Variants in PPP1R42 observed in about 807,000 individuals in gnomAD.
PPP1R42 encodes the protein leucine rich repeat containing 67.
PPP1R42 carries 34 observed loss-of-function variants against 31.0 expected under a neutral mutation model. The ratio of observed to expected loss-of-function variants is 1.10; its 90% CI spans 0.83 to 1.46. The LOEUF (loss-of-function observed/expected upper bound fraction) is 1.46, where lower values mean the gene tolerates loss of function less well. Ranked by LOEUF, PPP1R42 falls within the 40% of genes most tolerant of loss-of-function variation. The pLI, the probability that PPP1R42 is intolerant of heterozygous loss-of-function variation, is 0.00. For missense variants in PPP1R42, 268 were observed against 303.0 expected, an observed-to-expected ratio of 0.88 and a Z score of 0.86; for synonymous variants, 103 against 109.8, an observed-to-expected ratio of 0.94 and a Z score of 0.39.
At chr8:66,993,077 CTTTA>C (rs1815238387) in intron 5 of PPP1R42, among the ~76,000 whole-genome samples, 1 of 152,178 alleles carries the variant, frequency 6.6e-6, no homozygotes, top group South Asian at 2.1e-4. Context: ...CTCTTGACTT[CTTTA>C]TTTCTCATTG....
At chr8:67,018,789 G>C (rs1394635437) in intron 1 of PPP1R42, among the ~76,000 whole-genome samples, 3 of 135,326 alleles carry the variant, frequency 2.2e-5, no homozygotes, top group Admixed American at 7.8e-5. Context: ...GGGATTACAG[G>C]AGTGAGCCAC....
chr8:66,970,416 G>A (rs1032195195), intron 7 of PPP1R42, among the ~76,000 whole-genome samples: 4 of 152,078 alleles, frequency 2.6e-5, no homozygotes, highest in Non-Finnish European at 5.9e-5. Context: ...GATTATAGGC[G>A]TGAACCATTG....
intron 5 of PPP1R42, among the ~76,000 whole-genome samples, chr8:67,004,628 T>C (rs550869198): frequency 6.6e-6 from 1 of 152,326 alleles, no homozygotes; most frequent in South Asian, 2.1e-4. Context: ...CTTGCTTTTA[T>C]TTTGAGGTTA....
intron 4 of PPP1R42, 88 bp from the exon 5 acceptor site, chr8:67,010,919 GC>G: frequency 7.9e-7 from 1 of 1,271,092 alleles, no homozygotes; most frequent in Non-Finnish European, 1.1e-6. Context: ...AAAAGTTTAA[GC>G]TTGATCAGTT....
At chr8:66,988,849 C>T (rs1339927618) in intron 5 of PPP1R42, among the ~76,000 whole-genome samples, 4 of 152,116 alleles carry the variant, frequency 2.6e-5, no homozygotes, top group Non-Finnish European at 1.5e-5. Flanking sequence ...TAGAAGTTTA[C>T]AGATTAGGCA....
rs117547715 is a variant in PPP1R42, at chr8:66,976,434, C to T, written c.802+5615G>A. Among the ~76,000 whole-genome samples the T allele has an allele frequency of 1.2e-4, 19 of 152,276 alleles. 1 individual carries two copies. In the East Asian group the frequency reaches 3.7e-3, roughly 29 times the overall value. On this transcript the variant is annotated intron_variant, in intron 7 of 7. Transcript: ENST00000685739. Reference sequence around the variant, plus strand: ...AAAATTGTCTTCCACAAAACCAGTCCCTGGTGCTACAAAGGTTGGGGACAG... The same window carrying T: ...AAAATTGTCTTCCACAAAACCAGTCTCTGGTGCTACAAAGGTTGGGGACAG...
chr8:66,980,944 G>A (rs1276326418), intron 7 of PPP1R42, among the ~76,000 whole-genome samples: 1 of 151,952 alleles, frequency 6.6e-6, no homozygotes, highest in Non-Finnish European at 1.5e-5. Flanking sequence ...CCGGGTTCAA[G>A]TGATTCTCCT....
chr8:66,983,014 C>T (rs1814889371), intron 6 of PPP1R42, among the ~76,000 whole-genome samples: 1 of 151,708 alleles, frequency 6.6e-6, no homozygotes, highest in East Asian at 1.9e-4. Flanking sequence ...TATTCCTGGC[C>T]TCAAACGATC....
At chr8:67,008,428 G>T (rs1158223599) in intron 5 of PPP1R42, among the ~76,000 whole-genome samples, 2 of 152,056 alleles carry the variant, frequency 1.3e-5, no homozygotes, top group African/African-American at 2.4e-5. Context: ...GAGGATTTGG[G>T]CCATGGCAGT....
intron 6 of PPP1R42, chr8:66,984,507 C>A: frequency 8.1e-7 from 1 of 1,239,920 alleles, no homozygotes; most frequent in South Asian, 1.2e-5. Context: ...TGGCCTCAAT[C>A]TTGAACTTCT....
chr8:66,975,901 G>T lies in PPP1R42; in HGVS notation c.802+6148C>A, dbSNP rs373573721. ...TTCAATATTCTCCTTCTAGCTATTT[G>T]AAACTATATATGATTGTTAACTATG... On this transcript the variant is annotated intron_variant, in intron 7 of 7. Coordinates refer to ENST00000685739, the MANE Select transcript of PPP1R42 (RefSeq NM_001364910.1). 3.3e-5 allele frequency among the ~76,000 whole-genome samples: 5 copies of T among 152,156 alleles called. No individual in the cohort carries two copies. The East Asian group carries it at 5.8e-4, about 18-fold the overall frequency.
chr8:67,015,946 T>A (rs1022340035), intron 2 of PPP1R42, among the ~76,000 whole-genome samples: 2 of 152,246 alleles, frequency 1.3e-5, no homozygotes, highest in Non-Finnish European at 2.9e-5. Flanking sequence ...TTAACCAATT[T>A]GCCTTCCTTC....
intron 5 of PPP1R42, among the ~76,000 whole-genome samples, chr8:66,991,139 T>A (rs2130935296): frequency 6.6e-6 from 1 of 152,344 alleles, no homozygotes; most frequent in East Asian, 1.9e-4. Context: ...TGTATTGATT[T>A]AGCAAACTTT....
intron 7 of PPP1R42, among the ~76,000 whole-genome samples, chr8:66,969,304 T>C (rs117439917): frequency 1.9e-3 from 291 of 152,364 alleles, no homozygotes; most frequent in Non-Finnish European, 1.6e-3. Context: ...TTTTTCAAAA[T>C]GCTTGGCAAA....
intron 2 of PPP1R42, among the ~76,000 whole-genome samples, chr8:67,015,859 A>G (rs1480036311): frequency 6.6e-6 from 1 of 152,244 alleles, no homozygotes; most frequent in Non-Finnish European, 1.5e-5. Context: ...CTCAGCCTTC[A>G]TTAACTTCTT....
chr8:66,982,221 A>G (rs760346473), intron 6 of PPP1R42, 41 bp from the exon 7 acceptor site: 41 of 1,009,666 alleles, frequency 4.1e-5, no homozygotes, highest in Middle Eastern at 6.9e-4. Flanking sequence ...CAATATATAC[A>G]TATAAACATA....
intron 6 of PPP1R42, chr8:66,984,428 C>G: frequency 2.3e-6 from 3 of 1,308,452 alleles, no homozygotes; most frequent in Non-Finnish European, 3.3e-6. Context: ...TTGGGGCCCC[C>G]TTCCACTACT....
chr8:66,982,776 GTTTA>G (rs1420563848), intron 6 of PPP1R42, among the ~76,000 whole-genome samples: 3 of 151,348 alleles, frequency 2.0e-5, no homozygotes, highest in Non-Finnish European at 2.9e-5. Flanking sequence ...TATTATGTTT[GTTTA>G]TTTATTTATT....
intron 1 of PPP1R42, among the ~76,000 whole-genome samples, 159 bp from the exon 2 acceptor site, chr8:67,017,990 A>G (rs1816067293): frequency 6.6e-6 from 1 of 152,246 alleles, no homozygotes; most frequent in South Asian, 2.1e-4. Context: ...GTTTATAGAC[A>G]TAACTTCATA....
Sources: allele counts gnomAD v4.1 joint callset (sites outside exome capture counted in the v4.1 genomes callset), GRCh38; gene constraint gnomAD v4.1.1; transcripts MANE v1.5; gene names NCBI Gene and HGNC (gene_info 2026-07-23, HGNC 2026-07-21).